Variants in STRN3 observed in about 807,000 individuals in gnomAD.
STRN3 encodes the protein striatin 3, also known as striatin-3.
A neutral mutation model predicts 95.6 loss-of-function variants in STRN3; 29 were observed. The ratio of observed to expected loss-of-function variants is 0.30; its 90% confidence interval spans 0.23 to 0.41. The LOEUF is 0.41. Among genes scored for constraint, STRN3 ranks in the 10% least tolerant of loss-of-function variants. STRN3 has a pLI of 1.00. For missense variants in STRN3, 890 were observed against 972.1 expected (o/e 0.92, Z 1.12); for synonymous variants, 331 against 357.6 (o/e 0.93, Z 0.84).
intron 3 of STRN3, among the ~76,000 whole-genome samples, chr14:30,953,609 G>C (rs1462298638): frequency 6.6e-6 from 1 of 152,110 alleles, no homozygotes; most frequent in Non-Finnish European, 1.5e-5. Flanking sequence ...TTGAGGAGTG[G>C]AGTTACTGGA....
chr14:30,955,492 C>A, intron 3 of STRN3, 128 bp downstream of exon 3: 1 of 713,836 alleles, frequency 1.4e-6, no homozygotes, highest in Non-Finnish European at 2.2e-6. Flanking sequence ...ATATTTTTTC[C>A]CAAATTCTAG....
intron 16 of STRN3, 84 bp from the exon 17 acceptor site, chr14:30,895,832 A>G (rs1469290169): frequency 1.2e-5 from 15 of 1,203,618 alleles, no homozygotes; most frequent in Non-Finnish European, 1.6e-5. Flanking sequence ...GCATCAACAT[A>G]AAACAATCAT....
intron 8 of STRN3, among the ~76,000 whole-genome samples, chr14:30,919,797 T>C (rs560743967): frequency 1.3e-3 from 205 of 152,288 alleles, no homozygotes; most frequent in African/African-American, 4.7e-3. Context: ...GGGAAGAATT[T>C]TGGCTGTTGC....
At chr14:31,009,528 A>G (rs1416137786) in intron 1 of STRN3, among the ~76,000 whole-genome samples, 1 of 151,858 alleles carries the variant, frequency 6.6e-6, no homozygotes, top group Non-Finnish European at 1.5e-5. Flanking sequence ...TACGGAAAAA[A>G]TTCTGAAAAG....
chr14:30,988,784 G>T (rs1202718258), intron 1 of STRN3, among the ~76,000 whole-genome samples: 2 of 152,108 alleles, frequency 1.3e-5, no homozygotes, highest in Non-Finnish European at 2.9e-5. Context: ...TACCACAAGT[G>T]AAACATGCAA....
At chr14:30,969,038 G>A (rs576314798) in intron 1 of STRN3, among the ~76,000 whole-genome samples, 14 of 152,254 alleles carry the variant, frequency 9.2e-5, no homozygotes, top group African/African-American at 3.1e-4. Flanking sequence ...TAGCCAAAGA[G>A]GTATCATCCA....
chr14:30,895,346 A>G lies in STRN3; in HGVS notation c.*65T>C. The stretch of plus-strand genomic sequence containing the variant: ...TAGTGTCATATCAGTAACCTTTCTG[A>G]TGGCAGTGATGCAGACCCTCTTTCT... On this transcript the variant is annotated 3_prime_UTR_variant, in exon 18 of 18. Coordinates refer to ENST00000357479, the MANE Select transcript of STRN3 (RefSeq NM_001083893.2). 1 of 1,484,618 alleles carries G rather than the reference A, an allele frequency of 6.7e-7. No individual in the cohort carries two copies. Among genetic ancestry groups the G allele is most frequent in the East Asian group, 2.3e-5 (1 of 43,218 alleles). The allele number at this position is 1,484,618 out of a possible 1,614,324, so 92.0% of individuals were successfully genotyped here. A position where few individuals can be genotyped will look rare whatever the true frequency, so the allele number is the denominator to read the frequency against.
At chr14:30,980,428 G>A (rs1881335332) in intron 1 of STRN3, among the ~76,000 whole-genome samples, 1 of 151,206 alleles carries the variant, frequency 6.6e-6, no homozygotes, top group Admixed American at 6.6e-5. Context: ...TTTGTTTTGA[G>A]ATGGAGTGTT....
chr14:30,941,576 T>G (rs1879095299), intron 5 of STRN3, among the ~76,000 whole-genome samples: 1 of 152,170 alleles, frequency 6.6e-6, no homozygotes, highest in Admixed American at 6.5e-5. Flanking sequence ...AGGGGTGGTG[T>G]TAAACCAGCT....
intron 1 of STRN3, among the ~76,000 whole-genome samples, chr14:31,023,417 T>C (rs745864676): frequency 1.3e-5 from 2 of 152,188 alleles, no homozygotes; most frequent in Non-Finnish European, 2.9e-5. Context: ...AAATTCTTTT[T>C]ACAGAGAACA....
intron 5 of STRN3, among the ~76,000 whole-genome samples, chr14:30,946,368 A>T (rs1879358524): frequency 6.6e-6 from 1 of 151,456 alleles, no homozygotes; most frequent in South Asian, 2.1e-4. Context: ...CAGAGCAAGA[A>T]CCCATCTCCA....
chr14:30,920,456 T>C (rs1373471433), intron 8 of STRN3, among the ~76,000 whole-genome samples: 1 of 152,184 alleles, frequency 6.6e-6, no homozygotes, highest in African/African-American at 2.4e-5. Flanking sequence ...TAAACATTAT[T>C]CTTTCTCACA....
At chr14:30,939,388 G>C (rs887363649) in intron 5 of STRN3, among the ~76,000 whole-genome samples, 4 of 152,122 alleles carry the variant, frequency 2.6e-5, no homozygotes, top group African/African-American at 9.7e-5. Context: ...TAAAATTAAG[G>C]AACGCAGTCT....
chr14:30,987,233 C>T (rs1881735161), intron 1 of STRN3, among the ~76,000 whole-genome samples: 2 of 152,278 alleles, frequency 1.3e-5, no homozygotes, highest in Middle Eastern at 3.4e-3. Flanking sequence ...AAGGGCCAGG[C>T]GCAGTGGCTC....
intron 9 of STRN3, among the ~76,000 whole-genome samples, 175 bp from the exon 10 acceptor site, chr14:30,913,832 A>G (rs554400911): frequency 1.3e-5 from 2 of 152,312 alleles, no homozygotes; most frequent in African/African-American, 4.8e-5. Flanking sequence ...AATGTGTTGG[A>G]ACTGTGGTGT....
chr14:30,921,150 C>T (rs1001957362), intron 8 of STRN3, among the ~76,000 whole-genome samples: 4 of 151,738 alleles, frequency 2.6e-5, no homozygotes, highest in African/African-American at 7.3e-5. Flanking sequence ...CCAAATTCTA[C>T]CCATTCCTCC....
chr14:30,957,525 T>A (rs1298237932), intron 1 of STRN3, among the ~76,000 whole-genome samples: 4 of 151,444 alleles, frequency 2.6e-5, no homozygotes, highest in Non-Finnish European at 5.9e-5. Context: ...CCACTCCAAA[T>A]TCCATTTTAA....
At chr14:31,006,188 G>C (rs889634653) in intron 1 of STRN3, among the ~76,000 whole-genome samples, 3 of 150,850 alleles carry the variant, frequency 2.0e-5, no homozygotes, top group African/African-American at 7.3e-5. Context: ...ATAAATCATG[G>C]AAAGAAAAAT....
At chr14:30,944,201 G>A (rs1224070333) in intron 5 of STRN3, among the ~76,000 whole-genome samples, 1 of 152,056 alleles carries the variant, frequency 6.6e-6, no homozygotes, top group African/African-American at 2.4e-5. Flanking sequence ...ACGTGGTATG[G>A]CAAACCTGTA....
Sources: gnomAD v4.1 joint callset for allele counts (sites outside exome capture counted in the v4.1 genomes callset) on GRCh38, gnomAD v4.1.1 for gene constraint, MANE v1.5 for transcripts, NCBI Gene and HGNC (gene_info 2026-07-23, HGNC 2026-07-21) for gene names.